MKNK2: variants seen among roughly 807,000 people sequenced by gnomAD.
MKNK2 encodes the protein MAPK interacting serine/threonine kinase 2.
A neutral mutation model predicts 55.0 loss-of-function variants in MKNK2; 54 were observed. The ratio of observed to expected loss-of-function variants is 0.98; its 90% CI spans 0.79 to 1.23. The LOEUF (loss-of-function observed/expected upper bound fraction) is 1.23. MKNK2 is among the 50% of genes most tolerant of loss of function. The pLI is 0.00. For synonymous variants in MKNK2, 323 were observed against 256.0 expected (o/e 1.26, Z -2.50); for missense variants, 685 against 632.1 (o/e 1.08, Z -0.90).
chr19:2,046,461 G>T lies in MKNK2; in HGVS notation c.147C>A (p.Pro49=), dbSNP rs369794132. 115 of 1,607,900 alleles carry T rather than the reference G, an allele frequency of 7.2e-5. No individual in the cohort carries two copies. The African/African-American group carries it at 1.3e-3, about 18-fold the overall frequency. ...GLQCSARPDM[P]ASQPIDIPDA... is the part of the protein sequence containing the mutation. ...CCGGGATGTCAATGGGCTGGCTGGCGGGCATGTCTGTTCCAGGAGGCACGC... is the reference window on the plus strand; with the variant it reads ...CCGGGATGTCAATGGGCTGGCTGGCTGGCATGTCTGTTCCAGGAGGCACGC... The change falls in exon 4 of 14, where the codon CCC becomes CCA. Residue 49 remains proline, a synonymous_variant. Transcript: ENST00000250896.
At chr19:2,049,676 G>C (rs762746325) in intron 2 of MKNK2, among the ~76,000 whole-genome samples, 1 of 152,194 alleles carries the variant, frequency 6.6e-6, no homozygotes, top group East Asian at 1.9e-4. Context: ...CTCTGTATCA[G>C]CTCATGCCTG....
intron 2 of MKNK2, among the ~76,000 whole-genome samples, chr19:2,049,076 C>T (rs2017058305): frequency 6.6e-6 from 1 of 152,178 alleles, no homozygotes; most frequent in Non-Finnish European, 1.5e-5. Flanking sequence ...TGTCTGGCCA[C>T]CGTTCCCCTG....
intron 10 of MKNK2, 34 bp downstream of exon 10, chr19:2,042,393 G>A (rs1161703844): frequency 2.0e-6 from 3 of 1,538,126 alleles, no homozygotes; most frequent in South Asian, 1.2e-5. Context: ...CAGAGCAGGC[G>A]GCCGAGCCCC....
chr19:2,046,375 C>A lies in MKNK2; in HGVS notation c.233G>T (p.Arg78Met). 1 of 1,607,964 alleles carries A rather than the reference C, an allele frequency of 6.2e-7. No homozygotes were observed. The highest frequency in any genetic ancestry group is 8.5e-7 in the Non-Finnish European group (1 of 1,179,798). Residue 78 changes from arginine to methionine, a missense_variant, in exon 4 of 14, where the codon AGG (arginine) becomes ATG (methionine). Transcript: ENST00000250896. ...CCGCCATCCCCGCTCACCTTCAAAC[C>A]TGCCCGAGAAGCTGTCGGTGGCCCG... is the stretch of plus-strand genomic sequence containing the variant. ...RGRATDSFSG[R>M]FEDVYQLQED... is the part of the protein sequence containing the mutation.
At chr19:2,048,796 AG>A (rs916368093) in intron 2 of MKNK2, among the ~76,000 whole-genome samples, 133 of 150,722 alleles carry the variant, frequency 8.8e-4, no homozygotes, top group African/African-American at 2.6e-3. Flanking sequence ...GAGGGAAGGA[AG>A]GGGGGGGCTC....
At chr19:2,040,108 G>A (rs753163511) in intron 13 of MKNK2, 26 bp downstream of exon 13, 6 of 1,579,400 alleles carry the variant, frequency 3.8e-6, no homozygotes, top group Admixed American at 3.8e-5. Context: ...GGACTCAGGG[G>A]TCCCGAGCAC....
In MKNK2 at chr19:2,039,249, C is replaced by A; in HGVS notation, c.*364G>T. On this transcript the variant is annotated 3_prime_UTR_variant, in exon 14 of 14. Coordinates refer to ENST00000250896, the MANE Select transcript of MKNK2 (RefSeq NM_199054.3). ...GCTGTGGGCCTGCTCTCCTGAGTCA[C>A]TGCAAGCCACGTGGGCAGATGGCGG... 1 of 1,115,866 alleles carries A rather than the reference C, an allele frequency of 9.0e-7. No homozygotes were observed. The allele number at this position is 1,115,866 out of a possible 1,614,324, so 69.1% of individuals were successfully genotyped here. A position where few individuals can be genotyped will look rare whatever the true frequency, so the allele number is the denominator to read the frequency against.
chr19:2,050,670 C>A (rs1253657718), intron 2 of MKNK2, 131 bp downstream of exon 2: 1 of 797,106 alleles, frequency 1.3e-6, no homozygotes, highest in Non-Finnish European at 1.9e-6. Context: ...CCGGCCCGGG[C>A]AGCCCCGGGT....
In MKNK2 at chr19:2,041,168, C is replaced by T. The variant is rs747480878; in HGVS notation, c.982G>A (p.Glu328Lys). 2.5e-6 allele frequency: 4 copies of T among 1,613,932 alleles called. No individual in the cohort carries two copies. The highest frequency in any genetic ancestry group is 1.1e-5 in the South Asian group (1 of 91,082). Residue 328 changes from glutamate (E) to lysine (K), a missense_variant, in exon 12 of 14, where the codon GAG becomes AAG. By Grantham distance (56) the Glu-to-Lys change is moderately conservative (BLOSUM62 1). Transcript: ENST00000250896. ...LFESIQEGKY[E>K]FPDKDWAHIS... Reference sequence around the variant, plus strand: ...TGGGCCCAGTCCTTGTCGGGGAACTCGTACTTGCCCTCCTGGATGCTCTCA... The same window carrying T: ...TGGGCCCAGTCCTTGTCGGGGAACTTGTACTTGCCCTCCTGGATGCTCTCA...
chr19:2,049,582 G>T (rs1253177499), intron 2 of MKNK2, among the ~76,000 whole-genome samples: 1 of 152,228 alleles, frequency 6.6e-6, no homozygotes, highest in Non-Finnish European at 1.5e-5. Context: ...TGGGACTCGA[G>T]TCAGCAGGCC....
Position 2,050,906 on chromosome 19 carries a change from C to T in MKNK2, c.-55G>A, listed in dbSNP as rs927094864. On this transcript the variant is annotated 5_prime_UTR_variant, in exon 2 of 14. Transcript: ENST00000250896. Reference sequence around the variant, plus strand: ...GGGACCGAGGGCCCGGGGGGAGGCCCGAGGGCGGGCGGCCGGGCGGGGGGC... The same window carrying T: ...GGGACCGAGGGCCCGGGGGGAGGCCTGAGGGCGGGCGGCCGGGCGGGGGGC... The T allele has an allele frequency of 8.8e-6, 12 of 1,371,062 alleles. No individual in the cohort carries two copies. Among genetic ancestry groups the T allele is most frequent in the Non-Finnish European group, 1.2e-5 (12 of 1,024,978 alleles). The allele number at this position is 1,371,062 out of a possible 1,614,324, so 84.9% of individuals were successfully genotyped here.
chr19:2,050,318 G>A (rs2145697827), intron 2 of MKNK2, among the ~76,000 whole-genome samples: 1 of 152,314 alleles, frequency 6.6e-6, no homozygotes, highest in East Asian at 1.9e-4. Flanking sequence ...GCCCGGCCTG[G>A]GGATTCTGAA....
At chr19:2,050,658 G>A (rs905225698) in intron 2 of MKNK2, 143 bp downstream of exon 2, 12 of 702,292 alleles carry the variant, frequency 1.7e-5, no homozygotes, top group Non-Finnish European at 2.7e-5. Context: ...TTCAGCGCAC[G>A]GCCGGCCCGG....
intron 2 of MKNK2, among the ~76,000 whole-genome samples, chr19:2,047,398 TGGGAAA>T (rs1406813563): frequency 1.3e-5 from 2 of 151,932 alleles, no homozygotes; most frequent in African/African-American, 2.4e-5. Context: ...TGGGGGCCTC[TGGGAAA>T]GGGGTGCATT....
Position 2,038,361 on chromosome 19 carries a change from C to T in MKNK2, c.*1252G>A, listed in dbSNP as rs1021500184. The T allele has an allele frequency of 7.9e-5, 78 of 986,446 alleles. No homozygotes were observed. The Admixed American group carries it at 7.9e-4, about 10-fold the overall frequency. The allele number at this position is 986,446 out of a possible 1,614,324, so 61.1% of individuals were successfully genotyped here. A position where few individuals can be genotyped will look rare whatever the true frequency, so the allele number is the denominator to read the frequency against. ...AGCTCGGGGGCTGCGCCGGGAAGGG[C>T]GGGCGGTGACCCTAGCCGCGCGCAC... On this transcript the variant is annotated 3_prime_UTR_variant, in exon 14 of 14. Coordinates refer to ENST00000250896, the MANE Select transcript of MKNK2 (RefSeq NM_199054.3).
intron 11 of MKNK2, 45 bp from the exon 12 acceptor site, chr19:2,041,249 T>C (rs1351511525): frequency 6.3e-7 from 1 of 1,575,402 alleles, no homozygotes; most frequent in African/African-American, 1.3e-5. Context: ...CCCAAGGGCC[T>C]GGATACTGTG....
chr19:2,041,348 G>A (rs77161705), intron 11 of MKNK2, 144 bp from the exon 12 acceptor site: 12,142 of 794,786 alleles, frequency 0.015, 132 homozygotes, highest in African/African-American at 0.034. Flanking sequence ...GCTGGGAGCC[G>A]GACCAGGAGA....
At chr19:2,046,525 C>T in intron 3 of MKNK2, 57 bp from the exon 4 acceptor site, 2 of 1,563,028 alleles carry the variant, frequency 1.3e-6, no homozygotes, top group Non-Finnish European at 1.7e-6. Flanking sequence ...GGCCGGCCCC[C>T]ACCCCCCTGC....
At chr19:2,039,991 G>A in intron 13 of MKNK2, 135 bp from the exon 14 acceptor site, 1 of 1,382,204 alleles carries the variant, frequency 7.2e-7, no homozygotes, top group Middle Eastern at 1.8e-4. Context: ...TGAGCACCAG[G>A]GCCCCACCGG....
Sources: gnomAD v4.1 joint callset for allele counts (sites outside exome capture counted in the v4.1 genomes callset) on GRCh38, gnomAD v4.1.1 for gene constraint, MANE v1.5 for transcripts, NCBI Gene and HGNC (gene_info 2026-07-23, HGNC 2026-07-21) for gene names.